CACNA1C: variants seen among roughly 807,000 people sequenced by gnomAD.
The protein encoded by CACNA1C is calcium voltage-gated channel subunit alpha1 C.
Under a neutral mutation model 229.0 loss-of-function variants are expected in CACNA1C, and 30 were observed. The ratio of observed to expected loss-of-function variants is 0.13; its 90% CI spans 0.10 to 0.18. CACNA1C has a LOEUF of 0.18. Ranked by LOEUF, CACNA1C falls within the 10% of genes least tolerant of loss-of-function variation. CACNA1C has a pLI of 1.00. For synonymous variants in CACNA1C, 1,114 were observed against 1,132.5 expected, an observed-to-expected ratio of 0.98 and a Z score of 0.33; for missense variants, 1,658 against 2,845.0, an observed-to-expected ratio of 0.58 and a Z score of 9.49.
intron 3 of CACNA1C, among the ~76,000 whole-genome samples, chr12:2,270,240 T>A (rs2084271734): frequency 6.6e-6 from 1 of 152,208 alleles, no homozygotes; most frequent in Non-Finnish European, 1.5e-5. Context: ...TCTTAAAGTA[T>A]TCCATCGTCA....
intron 3 of CACNA1C, among the ~76,000 whole-genome samples, chr12:2,159,847 G>T (rs1353748831): frequency 1.3e-5 from 2 of 152,110 alleles, no homozygotes; most frequent in Admixed American, 6.5e-5. Context: ...CAGGTGATCT[G>T]CCCGCCTCGG....
At position 2,674,633 on chromosome 12, in the gene CACNA1C, C is replaced by T. The variant is rs745938574; in HGVS notation, c.4819C>T (p.Pro1607Ser). 18 of 1,565,062 alleles carry T rather than the reference C, an allele frequency of 1.2e-5. No homozygotes were observed. The highest frequency in any genetic ancestry group is 1.6e-5 in the Non-Finnish European group (18 of 1,154,846). Reference protein sequence around the residue: ...SMKLLDQVVPPAGDDEVTVGK... With the variant: ...SMKLLDQVVPSAGDDEVTVGK... ...GAAGCTGCTGGACCAGGTGGTGCCC[C>T]CTGCAGGTGGTGAGTGCTCCCTGGA... Residue 1607 changes from proline to serine, a missense_variant, in exon 39 of 47, where the codon CCT becomes TCT. Pro to Ser is a moderately conservative substitution (Grantham distance 74). Transcript: ENST00000399655.
chr12:2,105,211 C>G (rs2077743095), intron 1 of CACNA1C, among the ~76,000 whole-genome samples: 1 of 152,222 alleles, frequency 6.6e-6, no homozygotes, highest in African/African-American at 2.4e-5. Flanking sequence ...TTGGCTTGGG[C>G]CTCTGAAGTG....
rs887670607 is a variant in CACNA1C, at chr12:2,507,179, CCT to C, written c.1217+2237_1217+2238del. Among the ~76,000 whole-genome samples the C allele has an allele frequency of 4.6e-5, 7 of 152,208 alleles. 1 individual carries two copies. The highest frequency in any genetic ancestry group is 1.4e-4 in the African/African-American group (6 of 41,454). On this transcript the variant is annotated intron_variant, in intron 8 of 46. Transcript: ENST00000399655. ...GGTCTTTCCTGGAGACCTTCGCCAG[CCT>C]CTGTTTCCTGACCTGTTCTGAGAGC...
chr12:2,481,961 A>G (rs1302638260), intron 5 of CACNA1C, among the ~76,000 whole-genome samples: 2 of 152,276 alleles, frequency 1.3e-5, no homozygotes, highest in Non-Finnish European at 2.9e-5. Flanking sequence ...AGCATGGCCT[A>G]TCTGAGAACA....
chr12:2,558,876 AT>A (rs1394828012), intron 11 of CACNA1C, among the ~76,000 whole-genome samples: 1 of 152,162 alleles, frequency 6.6e-6, no homozygotes, highest in African/African-American at 2.4e-5. Flanking sequence ...CCTCATCTAC[AT>A]AAAACATCTA....
intron 39 of CACNA1C, among the ~76,000 whole-genome samples, chr12:2,675,841 C>T (rs927884467): frequency 6.6e-6 from 1 of 152,158 alleles, no homozygotes; most frequent in African/African-American, 2.4e-5. Flanking sequence ...AGGTCTGGAG[C>T]TACTTAATGC....
chr12:2,551,471 G>A (rs970420342), intron 10 of CACNA1C, among the ~76,000 whole-genome samples: 19 of 152,148 alleles, frequency 1.2e-4, no homozygotes, highest in African/African-American at 4.6e-4. Flanking sequence ...CATACAGAAC[G>A]CTGAGTCACA....
rs898938975 is a variant in CACNA1C, at chr12:2,678,324, G to A, written c.5091+457G>A. Among the ~76,000 whole-genome samples the A allele has an allele frequency of 3.9e-5, 6 of 152,286 alleles. No homozygotes were observed. The highest frequency in any genetic ancestry group is 3.9e-4 in the East Asian group (2 of 5,170). Reference sequence around the variant, plus strand: ...CAGCAGAGGGCCGGAGCCTAGAGGCGGTGGCCCTTTGAGATGGAGCATAGC... The same window carrying A: ...CAGCAGAGGGCCGGAGCCTAGAGGCAGTGGCCCTTTGAGATGGAGCATAGC... On this transcript the variant is annotated intron_variant, in intron 41 of 46. Coordinates refer to ENST00000399655, the MANE Select transcript of CACNA1C (RefSeq NM_000719.7). The surrounding 1 kb of genome is among the most constrained non-coding windows in gnomAD (Gnocchi z 4.1).
Position 1,986,020 on chromosome 12 carries a change from A to G in CACNA1C, c.139+14819A>G, listed in dbSNP as rs111734792. On this transcript the variant is annotated intron_variant, in intron 1 of 46. Coordinates refer to the CACNA1C transcript ENST00000682462. ...AGTAGAGATGGAGTTTCACCGTGTT[A>G]GCCAGGATGGTCTCGATCTCCTGAC... Among the ~76,000 whole-genome samples, 19 of 152,200 alleles carry G rather than the reference A, an allele frequency of 1.2e-4. 2 individuals carry two copies. Among genetic ancestry groups the G allele is most frequent in the South Asian group, 4.1e-4 (2 of 4,820 alleles).
rs368073321 is a variant in CACNA1C, at chr12:2,691,124, G to A, written c.6342G>A (p.Ala2114=). ...GQDRAGGEED[A]GCVRARGRPS... Reference sequence around the variant, plus strand: ...ACCGAGCCGGGGGCGAAGAGGACGCGGGCTGTGTGCGCGCGCGGGGTCGAC... The same window carrying A: ...ACCGAGCCGGGGGCGAAGAGGACGCAGGCTGTGTGCGCGCGCGGGGTCGAC... Residue 2114 remains alanine, a synonymous_variant, in exon 47 of 47, where the codon GCG becomes GCA. Coordinates refer to ENST00000399655, the MANE Select transcript of CACNA1C (RefSeq NM_000719.7). 5.0e-5 allele frequency: 81 copies of A among 1,609,170 alleles called. No individual in the cohort carries two copies. The East Asian group carries it at 6.9e-4, about 14-fold the overall frequency.
intron 3 of CACNA1C, among the ~76,000 whole-genome samples, chr12:2,218,458 TA>T (rs1040531211): frequency 1.3e-5 from 2 of 152,124 alleles, no homozygotes; most frequent in African/African-American, 4.8e-5. Flanking sequence ...AGGCAGTGCA[TA>T]GGGGCAGAGG....
intron 3 of CACNA1C, among the ~76,000 whole-genome samples, chr12:2,360,173 C>CCCCCCCT (rs2097522720): frequency 8.8e-6 from 1 of 113,716 alleles, no homozygotes; most frequent in African/African-American, 4.0e-5. Flanking sequence ...CCCACCCCCC[C>CCCCCCCT]ACCCCACACA....
intron 11 of CACNA1C, among the ~76,000 whole-genome samples, chr12:2,565,267 G>T (rs977363892): frequency 1.3e-5 from 2 of 151,578 alleles, no homozygotes; most frequent in African/African-American, 4.9e-5. Context: ...AGGAGATCGA[G>T]ACCATCCTGG....
At chr12:2,368,043 C>A (rs1051033405) in intron 3 of CACNA1C, among the ~76,000 whole-genome samples, 1 of 152,102 alleles carries the variant, frequency 6.6e-6, no homozygotes, top group African/African-American at 2.4e-5. Flanking sequence ...AAGGACTATT[C>A]AATGCTGGGA....
intron 3 of CACNA1C, among the ~76,000 whole-genome samples, chr12:2,408,589 C>T (rs1407183311): frequency 2.0e-5 from 3 of 151,900 alleles, no homozygotes; most frequent in Non-Finnish European, 4.4e-5. Flanking sequence ...CTGGGGTTCC[C>T]TTCTGGTCTA....
intron 3 of CACNA1C, among the ~76,000 whole-genome samples, chr12:2,335,920 C>G (rs1210450876): frequency 6.6e-6 from 1 of 151,168 alleles, no homozygotes; most frequent in African/African-American, 2.4e-5. Flanking sequence ...AAGGCTGATC[C>G]TAAGGCTGTT....
rs886042281 is a variant in CACNA1C at position 2,115,537 on chromosome 12, C to T, written c.363C>T (p.Val121=). 21 of 1,613,096 alleles carry T rather than the reference C, an allele frequency of 1.3e-5. No individual in the cohort carries two copies. Among genetic ancestry groups the T allele is most frequent in the African/African-American group, 5.3e-5 (4 of 74,956 alleles). Residue 121 remains valine, a synonymous_variant, in exon 2 of 47, where the codon GTC becomes GTT. Transcript: ENST00000399655. ...NPIRRACISI[V]EWKPFEIIIL... is the part of the protein sequence containing the mutation. Reference sequence around the variant, plus strand: ...TCCGGAGGGCCTGCATCAGCATTGTCGAATGGAAATATCCTTTGTTCACCG... The same window carrying T: ...TCCGGAGGGCCTGCATCAGCATTGTTGAATGGAAATATCCTTTGTTCACCG...
intron 3 of CACNA1C, among the ~76,000 whole-genome samples, chr12:2,413,835 C>T (rs554697017): frequency 1.3e-5 from 2 of 152,214 alleles, no homozygotes; most frequent in Admixed American, 6.5e-5. Context: ...TCAAATGCCT[C>T]CCGTTCCTGA....
Sources: allele counts gnomAD v4.1 joint callset (sites outside exome capture counted in the v4.1 genomes callset), GRCh38; gene constraint gnomAD v4.1.1; non-coding constraint Gnocchi (gnomAD v3.1); transcripts MANE v1.5; gene names NCBI Gene and HGNC (gene_info 2026-07-23, HGNC 2026-07-21).